HEATR4: variants seen among roughly 807,000 people sequenced by gnomAD.
HEATR4 encodes HEAT repeat containing 4.
A neutral mutation model predicts 108.8 loss-of-function variants in HEATR4; 95 were observed. That is an observed-to-expected ratio of 0.87 (90% CI 0.74 to 1.04). The LOEUF (loss-of-function observed/expected upper bound fraction) is 1.04. Among genes scored for constraint, HEATR4 ranks in the 50% least tolerant of loss-of-function variants. HEATR4 has a pLI of 0.00. For synonymous variants in HEATR4, 443 were observed against 459.4 expected (o/e 0.96, Z 0.46); for missense variants, 1,152 against 1,253.8 (o/e 0.92, Z 1.23).
chr14:73,591,453 G>T, the HEATR4 span, among the ~76,000 whole-genome samples: 7 of 152,074 alleles, frequency 4.6e-5, no homozygotes, highest in Non-Finnish European at 8.8e-5. Context: ...GGCTGAGGCA[G>T]GAGAATCGCT....
At chr14:73,623,935 C>T in the HEATR4 span, among the ~76,000 whole-genome samples, 1 of 152,004 alleles carries the variant, frequency 6.6e-6, no homozygotes, top group African/African-American at 2.4e-5. Flanking sequence ...CAGGCCCTCA[C>T]CACAAGCAGA....
At chr14:73,591,962 G>T in the HEATR4 span, 1 of 1,373,494 alleles carries the variant, frequency 7.3e-7, no homozygotes, top group South Asian at 1.8e-5. Context: ...GCTCCAAGAT[G>T]TCAGCAACGC....
chr14:73,588,815 TA>T, the HEATR4 span, among the ~76,000 whole-genome samples: 8,497 of 151,618 alleles, frequency 0.056, 243 homozygotes, highest in Admixed American at 0.077. Flanking sequence ...ATTAAAAAGT[TA>T]AAAAAAAATT....
chr14:73,595,492 CCT>C, the HEATR4 span: 21 of 1,613,814 alleles, frequency 1.3e-5, no homozygotes, highest in African/African-American at 2.7e-4. Flanking sequence ...CTTACTTCCC[CCT>C]GTGCCCAGCT....
At chr14:73,631,169 G>A in the HEATR4 span, among the ~76,000 whole-genome samples, 3 of 152,090 alleles carry the variant, frequency 2.0e-5, no homozygotes, top group Admixed American at 6.6e-5. Context: ...CCAAATTTAG[G>A]ATTTATATAC....
chr14:73,497,621 T>G (rs1337380517), intron 14 of HEATR4, among the ~76,000 whole-genome samples: 1 of 152,174 alleles, frequency 6.6e-6, no homozygotes, highest in Non-Finnish European at 1.5e-5. Flanking sequence ...ATGAATAACT[T>G]AAAACCCATC....
intron 6 of HEATR4, among the ~76,000 whole-genome samples, chr14:73,513,693 C>T (rs1055235112): frequency 1.5e-5 from 2 of 134,766 alleles, no homozygotes; most frequent in Non-Finnish European, 3.0e-5. Flanking sequence ...CACCGTTGCA[C>T]TCCAGCCAAG....
At chr14:73,576,816 A>AAG in the HEATR4 span, among the ~76,000 whole-genome samples, 12 of 58,138 alleles carry the variant, frequency 2.1e-4, 1 homozygote, top group Non-Finnish European at 2.7e-4. Context: ...AAAAAAAAAA[A>AAG]AAAAGACAAT....
At chr14:73,568,833 T>C in the HEATR4 span, among the ~76,000 whole-genome samples, 3 of 152,054 alleles carry the variant, frequency 2.0e-5, no homozygotes, top group Admixed American at 6.6e-5. Context: ...ATGTGGAGGA[T>C]AGGCATATAC....
chr14:73,485,267 A>AACACG (rs1885407846), intron 17 of HEATR4, among the ~76,000 whole-genome samples: 1 of 152,160 alleles, frequency 6.6e-6, no homozygotes, highest in South Asian at 2.1e-4. Flanking sequence ...CTATAATTTG[A>AACACG]TTTTTTAACA....
In HEATR4 at chr14:73,557,359, T is replaced by C. The variant is rs1889415592; in HGVS notation, c.-152+1392A>G. ...TCAAACTGGGTAGTATCTCAGAGAT[T>C]CCAAATTTAGTTCCACTTTTCTGTT... On this transcript the variant is annotated intron_variant, in intron 1 of 17. Transcript: ENST00000553558. Among the ~76,000 whole-genome samples, 16 of 110,736 alleles carry C rather than the reference T, an allele frequency of 1.4e-4. 6 individuals are homozygous for C. In the South Asian group the frequency reaches 4.6e-3, roughly 32 times the overall value. 72.6% of individuals were successfully genotyped at this position (110,736 alleles called of 152,430 possible). A position where few individuals can be genotyped will look rare whatever the true frequency, so the allele number is the denominator to read the frequency against.
At chr14:73,515,246 C>G (rs779815277) in intron 5 of HEATR4, among the ~76,000 whole-genome samples, 75 of 152,290 alleles carry the variant, frequency 4.9e-4, no homozygotes, top group Non-Finnish European at 6.3e-4. Context: ...CTATTAGTCT[C>G]ATGTTCTAAT....
intron 17 of HEATR4, among the ~76,000 whole-genome samples, chr14:73,489,669 G>A (rs1393773706): frequency 1.3e-5 from 2 of 152,108 alleles, no homozygotes; most frequent in African/African-American, 2.4e-5. Context: ...AATTACACCC[G>A]CATGCCACCA....
upstream of HEATR4, among the ~76,000 whole-genome samples, chr14:73,560,158 C>T (rs1889497000): frequency 6.6e-6 from 1 of 152,134 alleles, no homozygotes; most frequent in African/African-American, 2.4e-5. Context: ...CTTTGTGAAA[C>T]AAACTAATTT....
At chr14:73,588,600 T>A in the HEATR4 span, among the ~76,000 whole-genome samples, 2 of 152,254 alleles carry the variant, frequency 1.3e-5, no homozygotes, top group Middle Eastern at 6.8e-3. Context: ...AATCTGAATC[T>A]TCTCCCTCCT....
the HEATR4 span, among the ~76,000 whole-genome samples, chr14:73,632,853 AAAAAAAG>A: frequency 6.7e-6 from 1 of 148,528 alleles, no homozygotes; most frequent in African/African-American, 2.5e-5. Flanking sequence ...CAAAAAAAAA[AAAAAAAG>A]AAGAAGAAGA....
chr14:73,555,377 A>G (rs756810263), intron 1 of HEATR4, among the ~76,000 whole-genome samples: 2 of 112,430 alleles, frequency 1.8e-5, no homozygotes, highest in African/African-American at 5.7e-5. Flanking sequence ...GAAGCAAAAA[A>G]ACTTCCAATC....
intron 7 of HEATR4, among the ~76,000 whole-genome samples, chr14:73,510,711 C>G (rs1400604132): frequency 6.6e-6 from 1 of 152,192 alleles, no homozygotes; most frequent in African/African-American, 2.4e-5. Flanking sequence ...GCTGGAATTA[C>G]AAGTGTGAGC....
chr14:73,559,452 C>G (rs1889472443), upstream of HEATR4, among the ~76,000 whole-genome samples: 1 of 151,920 alleles, frequency 6.6e-6, no homozygotes. Flanking sequence ...AAACCTCAGC[C>G]AGGCGCGATG....
Sources: allele counts gnomAD v4.1 joint callset (sites outside exome capture counted in the v4.1 genomes callset), GRCh38; gene constraint gnomAD v4.1.1; transcripts MANE v1.5; gene names NCBI Gene and HGNC (gene_info 2026-07-23, HGNC 2026-07-21).